Variants in DNM3 observed in about 807,000 individuals in gnomAD.
The protein encoded by DNM3 is dynamin-3.
DNM3 carries 47 observed loss-of-function variants against 101.6 expected under a neutral mutation model. The observed-to-expected ratio is 0.46, with a 90% CI of 0.37 to 0.59. The LOEUF (loss-of-function observed/expected upper bound fraction) is 0.59. DNM3 is among the 20% of genes least tolerant of loss of function. The probability of loss-of-function intolerance (pLI) is 0.00; values close to 1 mark genes in which losing one functional copy is unlikely to be tolerated. For missense variants in DNM3, 849 were observed against 1,085.7 expected, an observed-to-expected ratio of 0.78 and a Z score of 3.06; for synonymous variants, 385 against 387.9, an observed-to-expected ratio of 0.99 and a Z score of 0.09.
intron 2 of DNM3, among the ~76,000 whole-genome samples, chr1:171,972,983 A>C (rs2044122824): frequency 6.6e-6 from 1 of 152,246 alleles, no homozygotes; most frequent in African/African-American, 2.4e-5. Context: ...TATGTAAGTT[A>C]GTACATTTTT....
At chr1:172,024,865 A>C (rs2048089625) in intron 4 of DNM3, among the ~76,000 whole-genome samples, 1 of 152,096 alleles carries the variant, frequency 6.6e-6, no homozygotes, top group Non-Finnish European at 1.5e-5. Context: ...CAAGCACAAA[A>C]CTGGGTGGCT....
In DNM3 at chr1:172,017,437, GA is replaced by G. The variant is rs1279708509; in HGVS notation, c.590-14964del. On this transcript the variant is annotated intron_variant, in intron 4 of 20. Transcript: ENST00000627582. ...AAACTGTTTTTTAAGTTTCTCATAA[GA>G]TTTTTTTTACCCATATGTTATTTAG... 5.3e-5 allele frequency among the ~76,000 whole-genome samples: 8 copies of G among 152,032 alleles called. No individual in the cohort carries two copies. In the East Asian group the frequency reaches 9.6e-4, roughly 18 times the overall value.
intron 20 of DNM3, chr1:172,394,035 T>TA (rs2069756351): frequency 6.6e-6 from 1 of 152,228 alleles, no homozygotes; most frequent in African/African-American, 2.4e-5. Context: ...GTCCCTCAAT[T>TA]AAAAATCCCA....
chr1:172,050,415 C>T (rs12090953), intron 10 of DNM3, among the ~76,000 whole-genome samples: 142,490 of 152,276 alleles, frequency 0.94, 66,712 homozygotes, highest in Non-Finnish European at 0.95. Flanking sequence ...TGTGCTGTGT[C>T]TGTTCCCAAA....
At chr1:172,100,445 G>T (rs949156409) in intron 13 of DNM3, among the ~76,000 whole-genome samples, 34 of 152,238 alleles carry the variant, frequency 2.2e-4, no homozygotes, top group African/African-American at 7.2e-4. Context: ...TACATGCTTT[G>T]AGTCCAATGT....
At chr1:172,301,335 C>G (rs1256469601) in intron 15 of DNM3, among the ~76,000 whole-genome samples, 1 of 152,012 alleles carries the variant, frequency 6.6e-6, no homozygotes, top group Non-Finnish European at 1.5e-5. Flanking sequence ...GACCTTGTCT[C>G]TACTAAAAAT....
chr1:171,899,887 C>G (rs6672620), intron 1 of DNM3, among the ~76,000 whole-genome samples: 75,266 of 152,004 alleles, frequency 0.5, 18,868 homozygotes, highest in East Asian at 0.65. Flanking sequence ...AAGTCTTTTC[C>G]TAGGGGTTGA....
At chr1:172,406,048 G>A (rs1469170111) in intron 20 of DNM3, among the ~76,000 whole-genome samples, 1 of 151,966 alleles carries the variant, frequency 6.6e-6, no homozygotes, top group Non-Finnish European at 1.5e-5. Context: ...CAAGCAGTGA[G>A]CTAGATACCA....
At chr1:172,020,156 G>A (rs1432973905) in intron 4 of DNM3, among the ~76,000 whole-genome samples, 1 of 152,154 alleles carries the variant, frequency 6.6e-6, no homozygotes, top group Non-Finnish European at 1.5e-5. Flanking sequence ...GAAGCATGCT[G>A]TAGTCCTGTG....
At chr1:171,877,246 A>G (rs1189736027) in intron 1 of DNM3, among the ~76,000 whole-genome samples, 2 of 152,200 alleles carry the variant, frequency 1.3e-5, no homozygotes, top group South Asian at 2.1e-4. Context: ...CATATGTAAA[A>G]CACCTGTTGG....
intron 14 of DNM3, among the ~76,000 whole-genome samples, chr1:172,238,997 C>T (rs774635211): frequency 1.3e-5 from 2 of 152,162 alleles, no homozygotes; most frequent in Non-Finnish European, 2.9e-5. Context: ...CAAGTACTTT[C>T]CTTGACCTCT....
intron 4 of DNM3, among the ~76,000 whole-genome samples, chr1:172,021,462 A>G (rs915436239): frequency 6.6e-6 from 1 of 152,330 alleles, no homozygotes; most frequent in East Asian, 1.9e-4. Flanking sequence ...TCTCTAAAAA[A>G]ACAAAACAAA....
intron 1 of DNM3, among the ~76,000 whole-genome samples, chr1:171,888,300 C>T (rs2036959610): frequency 6.6e-6 from 1 of 151,962 alleles, no homozygotes; most frequent in South Asian, 2.1e-4. Flanking sequence ...AAACCAAGGT[C>T]AAATGAAATT....
At chr1:172,093,364 C>T (rs1485411093) in intron 13 of DNM3, among the ~76,000 whole-genome samples, 1 of 152,154 alleles carries the variant, frequency 6.6e-6, no homozygotes, top group Admixed American at 6.6e-5. Context: ...ATGTTAATTC[C>T]TAAGAAGATC....
chr1:172,012,544 G>A (rs1476226424), intron 4 of DNM3, among the ~76,000 whole-genome samples: 1 of 151,980 alleles, frequency 6.6e-6, no homozygotes, highest in Non-Finnish European at 1.5e-5. Context: ...TCATGTCTCA[G>A]TTTATTTTGG....
At chr1:171,932,373 A>G (rs1488813073) in intron 2 of DNM3, among the ~76,000 whole-genome samples, 3 of 151,304 alleles carry the variant, frequency 2.0e-5, no homozygotes, top group African/African-American at 7.3e-5. Context: ...TTGAACTCCT[A>G]GGCTCAAGTG....
chr1:171,857,239 T>C (rs2033703867), intron 1 of DNM3, among the ~76,000 whole-genome samples: 1 of 152,126 alleles, frequency 6.6e-6, no homozygotes, highest in African/African-American at 2.4e-5. Flanking sequence ...GATACATAGA[T>C]GGAGGGAGAC....
intron 2 of DNM3, 40 bp downstream of exon 2, chr1:171,921,861 C>CA: frequency 1.3e-6 from 2 of 1,544,738 alleles, no homozygotes; most frequent in Non-Finnish European, 8.8e-7. Flanking sequence ...TGGGCACATC[C>CA]TGTGGCCCCT....
chr1:171,854,604 C>T (rs1023242154), intron 1 of DNM3, among the ~76,000 whole-genome samples: 21 of 152,074 alleles, frequency 1.4e-4, no homozygotes, highest in African/African-American at 5.1e-4. Context: ...CATTTAAAAT[C>T]CTACTGGTTT....
Sources: allele counts gnomAD v4.1 joint callset (sites outside exome capture counted in the v4.1 genomes callset), GRCh38; gene constraint gnomAD v4.1.1; transcripts MANE v1.5; gene names NCBI Gene and HGNC (gene_info 2026-07-23, HGNC 2026-07-21).